The following LRCH1 variants were observed in gnomAD, a reference collection of about 807,000 sequenced individuals.
LRCH1 encodes the protein leucine-rich repeat and calponin homology domain-containing protein 1.
In LRCH1, 23 loss-of-function variants were observed where a neutral mutation model predicts 94.9. The observed-to-expected ratio is 0.24, with a 90% CI of 0.17 to 0.34. LRCH1 has a LOEUF of 0.34. Among genes scored for constraint, LRCH1 ranks in the 10% least tolerant of loss-of-function variants. LRCH1 has a pLI of 1.00. For missense variants in LRCH1, 790 were observed against 945.9 expected, an observed-to-expected ratio of 0.84 and a Z score of 2.16; for synonymous variants, 364 against 354.9, an observed-to-expected ratio of 1.03 and a Z score of -0.29.
In LRCH1 at chr13:46,631,927, C is replaced by T. The variant is rs185997240; in HGVS notation, c.308-18274C>T. ...AGATTAAGACTTAATTCAGGCCGGGCGTGGTGGCTCACACTTGTAATTCCA... is the reference window on the plus strand; with the variant it reads ...AGATTAAGACTTAATTCAGGCCGGGTGTGGTGGCTCACACTTGTAATTCCA... On this transcript the variant is annotated intron_variant, in intron 1 of 19. Transcript: ENST00000389797. Among the ~76,000 whole-genome samples, 30 of 152,276 alleles carry T rather than the reference C, an allele frequency of 2.0e-4. No individual in the cohort carries two copies. The East Asian group carries it at 3.7e-3, about 19-fold the overall frequency.
At chr13:46,581,770 A>G (rs2050368131) in intron 1 of LRCH1, among the ~76,000 whole-genome samples, 2 of 152,242 alleles carry the variant, frequency 1.3e-5, no homozygotes, top group African/African-American at 2.4e-5. Flanking sequence ...CCTTCAGAAT[A>G]TTCCACCTAC....
rs547654557 is a variant in LRCH1, at chr13:46,689,078, CT to C, written c.951-52del. Reference sequence around the variant, plus strand: ...ATAAATTGATGTTTCTTGGTGTGAACTTTGTGATTTTAATCTTTTTTAAATG... The same window carrying C: ...ATAAATTGATGTTTCTTGGTGTGAACTTGTGATTTTAATCTTTTTTAAATG... On this transcript the variant is annotated intron_variant, in intron 6 of 19. Coordinates refer to ENST00000389797, the MANE Select transcript of LRCH1 (RefSeq NM_001164211.2). 7.1e-4 allele frequency: 962 copies of C among 1,357,886 alleles called. 5 individuals are homozygous for C. In the African/African-American group the frequency reaches 0.013, roughly 18 times the overall value. The allele number at this position is 1,357,886 out of a possible 1,614,324, so 84.1% of individuals were successfully genotyped here.
In LRCH1 at chr13:46,743,002, A is replaced by C. The variant is rs1003412559; in HGVS notation, c.*1154A>C. 2.0e-6 allele frequency: 2 copies of C among 985,322 alleles called. No individual in the cohort carries two copies. The highest frequency in any genetic ancestry group is 6.1e-5 in the Admixed American group (1 of 16,268). The allele number at this position is 985,322 out of a possible 1,614,324, so 61.0% of individuals were successfully genotyped here. A position where few individuals can be genotyped will look rare whatever the true frequency, so the allele number is the denominator to read the frequency against. On this transcript the variant is annotated 3_prime_UTR_variant, in exon 20 of 20. Transcript: ENST00000389797. Reference sequence around the variant, plus strand: ...CAGTTTGCATTTAAAAGGAAAAAAAAGAATTTTATCTTAGCCAGAATGTCC... The same window carrying C: ...CAGTTTGCATTTAAAAGGAAAAAAACGAATTTTATCTTAGCCAGAATGTCC...
intron 17 of LRCH1, among the ~76,000 whole-genome samples, chr13:46,725,397 G>A (rs954683796): frequency 3.3e-5 from 5 of 152,128 alleles, no homozygotes; most frequent in Admixed American, 6.6e-5. Flanking sequence ...AGATAGATTC[G>A]ATGTTAAATC....
chr13:46,639,695 C>T (rs2051135965), intron 1 of LRCH1, among the ~76,000 whole-genome samples: 1 of 152,190 alleles, frequency 6.6e-6, no homozygotes, highest in Admixed American at 6.5e-5. Flanking sequence ...GATGGTCCGA[C>T]ACACACCCCT....
chr13:46,679,113 C>A (rs1465785052), intron 3 of LRCH1, among the ~76,000 whole-genome samples: 1 of 152,224 alleles, frequency 6.6e-6, no homozygotes, highest in Admixed American at 6.5e-5. Flanking sequence ...ATGCCAATAA[C>A]GTCCATTTTC....
intron 1 of LRCH1, among the ~76,000 whole-genome samples, chr13:46,564,910 A>C (rs1265509359): frequency 6.6e-6 from 1 of 152,158 alleles, no homozygotes; most frequent in Non-Finnish European, 1.5e-5. Flanking sequence ...TCTGTCCTTA[A>C]TTTCCATGGG....
At chr13:46,697,737 C>T (rs11842372) in intron 9 of LRCH1, among the ~76,000 whole-genome samples, 2 of 152,094 alleles carry the variant, frequency 1.3e-5, no homozygotes, top group Non-Finnish European at 2.9e-5. Context: ...TCCAGAGCAC[C>T]ACGAATACTG....
chr13:46,566,230 G>A (rs1360747584), intron 1 of LRCH1, among the ~76,000 whole-genome samples: 1 of 152,196 alleles, frequency 6.6e-6, no homozygotes. Context: ...AAGATGAATA[G>A]CAAACACTTC....
chr13:46,745,368 G>A (rs938424768), downstream of LRCH1, among the ~76,000 whole-genome samples: 6 of 152,116 alleles, frequency 3.9e-5, no homozygotes, highest in Admixed American at 1.3e-4. Context: ...GTGGTGGAAC[G>A]GGTACAGGAT....
intron 16 of LRCH1, among the ~76,000 whole-genome samples, chr13:46,718,830 CA>C (rs1322033021): frequency 6.6e-6 from 1 of 152,226 alleles, no homozygotes; most frequent in East Asian, 1.9e-4. Flanking sequence ...TTGAGAGCTA[CA>C]TTTTAAAACT....
At chr13:46,719,625 T>G (rs1222542368) in intron 16 of LRCH1, among the ~76,000 whole-genome samples, 2 of 152,236 alleles carry the variant, frequency 1.3e-5, no homozygotes, top group African/African-American at 4.8e-5. Context: ...ACGTAAGCAT[T>G]TCATTATACC....
At chr13:46,643,688 C>T (rs2051186874) in intron 1 of LRCH1, among the ~76,000 whole-genome samples, 1 of 152,148 alleles carries the variant, frequency 6.6e-6, no homozygotes, top group African/African-American at 2.4e-5. Flanking sequence ...AAAAAGCAAA[C>T]ATGCCCATTT....
At chr13:46,683,284 T>C (rs910389945) in intron 4 of LRCH1, among the ~76,000 whole-genome samples, 1 of 152,196 alleles carries the variant, frequency 6.6e-6, no homozygotes, top group South Asian at 2.1e-4. Flanking sequence ...CAAAAGGTAA[T>C]GTGCTTTATA....
intron 9 of LRCH1, among the ~76,000 whole-genome samples, chr13:46,696,103 C>T (rs901780507): frequency 3.3e-5 from 5 of 152,060 alleles, no homozygotes; most frequent in African/African-American, 1.2e-4. Flanking sequence ...TCATTTGAGC[C>T]TCATAGTTTC....
At chr13:46,748,152 T>TG (rs1873984528), downstream of LRCH1, among the ~76,000 whole-genome samples, 1 of 152,244 alleles carries the variant, frequency 6.6e-6, no homozygotes, top group East Asian at 1.9e-4. Flanking sequence ...GGTAATCAGT[T>TG]GCTTTGCTCT....
intron 2 of LRCH1, among the ~76,000 whole-genome samples, chr13:46,664,582 C>A (rs9590974): frequency 0.64 from 97,004 of 152,048 alleles, 31,409 homozygotes; most frequent in Middle Eastern, 0.72. Context: ...GTGATATTCA[C>A]ACAATAACAC....
At chr13:46,683,449 A>G (rs905372872) in intron 4 of LRCH1, among the ~76,000 whole-genome samples, 2 of 152,190 alleles carry the variant, frequency 1.3e-5, no homozygotes, top group Non-Finnish European at 2.9e-5. Context: ...TCCTTGTACA[A>G]TCTCATTTTT....
rs367650405 is a variant in LRCH1, at chr13:46,707,896, A to G, written c.1527+2592A>G. ...AGAGGTCCTACACTTACGAGTTTAC[A>G]TTCTAGGTAAAGGTATAAGTGAAAA... On this transcript the variant is annotated intron_variant, in intron 13 of 19. Coordinates refer to ENST00000389797, the MANE Select transcript of LRCH1 (RefSeq NM_001164211.2). Among the ~76,000 whole-genome samples the G allele has an allele frequency of 3.1e-4, 47 of 152,342 alleles. No individual in the cohort carries two copies. The South Asian group carries it at 9.5e-3, about 31-fold the overall frequency.
Sources: gnomAD v4.1 joint callset for allele counts (sites outside exome capture counted in the v4.1 genomes callset) on GRCh38, gnomAD v4.1.1 for gene constraint, MANE v1.5 for transcripts, NCBI Gene and HGNC (gene_info 2026-07-23, HGNC 2026-07-21) for gene names.